The following MICAL2 variants were observed in gnomAD, a reference collection of about 807,000 sequenced individuals.
MICAL2 encodes the protein microtubule associated monooxygenase, calponin and LIM domain containing 2, also known as [F-actin]-monooxygenase MICAL2.
Under a neutral mutation model 127.3 loss-of-function variants are expected in MICAL2, and 77 were observed. That is an observed-to-expected ratio of 0.60 (90% CI 0.50 to 0.73). The LOEUF is 0.73. Among genes scored for constraint, MICAL2 ranks in the 30% least tolerant of loss-of-function variants. The probability of loss-of-function intolerance (pLI) is 0.00; values close to 1 mark genes in which losing one functional copy is unlikely to be tolerated. For missense variants in MICAL2, 1,351 were observed against 1,434.4 expected (o/e 0.94, Z 0.94); for synonymous variants, 570 against 551.1 (o/e 1.03, Z -0.48).
chr11:12,239,583 C>G lies in MICAL2; in HGVS notation c.2212C>G (p.Gln738Glu). The change falls in exon 17 of 28, where the codon CAG becomes GAG. Residue 738 changes from glutamine to glutamate, a missense_variant and splice_region_variant. Physicochemically the swap from Gln to Glu is conservative, Grantham distance 29 (BLOSUM62 2). Transcript: ENST00000683283. ...ESTRNPSLMK[Q>E]ERRVSGIGKP... ...CACTCGGAACCCCTCACTCATGAAG[C>G]AGGTGAGTCATGTCAAATACTCACT... The G allele has an allele frequency of 6.2e-7, 1 of 1,613,722 alleles. No individual in the cohort carries two copies. The highest frequency in any genetic ancestry group is 8.5e-7 in the Non-Finnish European group (1 of 1,179,866).
At chr11:12,113,893 C>T (rs1270513162) in intron 1 of MICAL2, among the ~76,000 whole-genome samples, 1 of 152,188 alleles carries the variant, frequency 6.6e-6, no homozygotes, top group Non-Finnish European at 1.5e-5. Context: ...TATTTATGAA[C>T]ATGTCTTCTC....
intron 10 of MICAL2, among the ~76,000 whole-genome samples, chr11:12,222,369 C>T (rs966134714): frequency 1.3e-5 from 2 of 152,206 alleles, no homozygotes; most frequent in Non-Finnish European, 2.9e-5. Context: ...GCCCTGCATC[C>T]CTCCCCCTGC....
At chr11:12,278,867 A>G (rs1008818869) in intron 1 of MICAL2, among the ~76,000 whole-genome samples, 2 of 152,246 alleles carry the variant, frequency 1.3e-5, no homozygotes, top group Non-Finnish European at 2.9e-5. Flanking sequence ...GAGAAAGTCA[A>G]GAGTTCTGTT....
At chr11:12,239,655 G>C in intron 17 of MICAL2, 70 bp downstream of exon 17, 1 of 1,555,956 alleles carries the variant, frequency 6.4e-7, no homozygotes, top group South Asian at 1.2e-5. Context: ...TCTGGCTGCT[G>C]ATAGACTTCA....
At chr11:12,172,637 C>A (rs1451115417) in intron 3 of MICAL2, among the ~76,000 whole-genome samples, 1 of 152,020 alleles carries the variant, frequency 6.6e-6, no homozygotes, top group Non-Finnish European at 1.5e-5. Context: ...AAAGATTAGG[C>A]TCAAAGACAC....
intron 32 of MICAL2, among the ~76,000 whole-genome samples, chr11:12,339,774 C>G (rs567141698): frequency 6.6e-6 from 1 of 152,130 alleles, no homozygotes; most frequent in Non-Finnish European, 1.5e-5. Flanking sequence ...ATTGGTGAAC[C>G]GCAAATGCTG....
At chr11:12,238,246 T>C (rs955450699) in intron 16 of MICAL2, among the ~76,000 whole-genome samples, 6 of 152,204 alleles carry the variant, frequency 3.9e-5, no homozygotes, top group African/African-American at 1.4e-4. Flanking sequence ...GCAGCACCAT[T>C]TATACTCCTG....
chr11:12,170,405 G>A (rs893371772), intron 3 of MICAL2, among the ~76,000 whole-genome samples: 3 of 152,046 alleles, frequency 2.0e-5, no homozygotes, highest in Non-Finnish European at 4.4e-5. Context: ...AGCCGTGATT[G>A]TGCCACAGCA....
At chr11:12,256,467 G>C (rs947308582) in intron 23 of MICAL2, 1 of 236,300 alleles carries the variant, frequency 4.2e-6, no homozygotes, top group African/African-American at 2.2e-5. Context: ...ACAGGGTTGT[G>C]AGTAAAGCCC....
chr11:12,275,660 C>A (rs140467501), upstream of MICAL2, among the ~76,000 whole-genome samples: 1 of 152,320 alleles, frequency 6.6e-6, no homozygotes, highest in African/African-American at 2.4e-5. Flanking sequence ...CTGGATTTAG[C>A]AACATGTTGG....
At chr11:12,146,919 A>G (rs973391728) in intron 2 of MICAL2, among the ~76,000 whole-genome samples, 1 of 152,174 alleles carries the variant, frequency 6.6e-6, no homozygotes, top group African/African-American at 2.4e-5. Context: ...AGGGACATGG[A>G]TGACGCTGGA....
intron 32 of MICAL2, among the ~76,000 whole-genome samples, chr11:12,341,859 T>G (rs2134882448): frequency 6.6e-6 from 1 of 152,178 alleles, no homozygotes; most frequent in Middle Eastern, 3.4e-3. Flanking sequence ...AAAAAGTTAT[T>G]GACCTTTACA....
intron 13 of MICAL2, among the ~76,000 whole-genome samples, chr11:12,225,071 A>T (rs1857253529): frequency 7.4e-6 from 1 of 134,976 alleles, no homozygotes. Flanking sequence ...ACCCCCCACT[A>T]CCCTTCCCCC....
At chr11:12,343,321 T>A (rs1938899739) in intron 32 of MICAL2, among the ~76,000 whole-genome samples, 1 of 148,364 alleles carries the variant, frequency 6.7e-6, no homozygotes, top group African/African-American at 2.5e-5. Context: ...GGCAGGAGAA[T>A]TGCTTGAACC....
intron 3 of MICAL2, among the ~76,000 whole-genome samples, chr11:12,163,215 A>G (rs1485248177): frequency 7.9e-5 from 12 of 152,182 alleles, no homozygotes; most frequent in African/African-American, 2.9e-4. Flanking sequence ...ACATTTCTGA[A>G]ATGCCCAGCA....
At chr11:12,233,674 A>G (rs533297515) in intron 15 of MICAL2, among the ~76,000 whole-genome samples, 2 of 152,358 alleles carry the variant, frequency 1.3e-5, no homozygotes, top group South Asian at 4.1e-4. Flanking sequence ...TTGGGAAATC[A>G]TGATAAGAAA....
upstream of MICAL2, among the ~76,000 whole-genome samples, chr11:12,275,592 G>A (rs1863715562): frequency 6.6e-6 from 1 of 152,162 alleles, no homozygotes; most frequent in Non-Finnish European, 1.5e-5. Context: ...TGACCAGCTG[G>A]GTCAAATGCT....
chr11:12,128,534 T>C (rs1230699084), intron 1 of MICAL2, among the ~76,000 whole-genome samples: 3 of 152,226 alleles, frequency 2.0e-5, no homozygotes, highest in African/African-American at 7.2e-5. Flanking sequence ...CAGTCTCCCT[T>C]GGTATTAGGT....
chr11:12,141,289 C>T (rs1328844875), intron 2 of MICAL2, among the ~76,000 whole-genome samples: 1 of 152,128 alleles, frequency 6.6e-6, no homozygotes, highest in East Asian at 1.9e-4. Context: ...CCTCAGGGGC[C>T]TTCAGATTTC....
Sources: gnomAD v4.1 joint callset for allele counts (sites outside exome capture counted in the v4.1 genomes callset) on GRCh38, gnomAD v4.1.1 for gene constraint, MANE v1.5 for transcripts, NCBI Gene and HGNC (gene_info 2026-07-23, HGNC 2026-07-21) for gene names.